The following MTARC2 variants were observed in gnomAD, a reference collection of about 807,000 sequenced individuals.
MTARC2 encodes mitochondrial amidoxime reducing component 2.
In MTARC2, 27 loss-of-function variants were observed where a neutral mutation model predicts 35.6. That is an observed-to-expected ratio of 0.76 (90% CI 0.56 to 1.04). The LOEUF is 1.04. Among genes scored for constraint, MTARC2 ranks in the 50% least tolerant of loss-of-function variants. The pLI is 0.00. For missense variants in MTARC2, 412 were observed against 432.5 expected, an observed-to-expected ratio of 0.95 and a Z score of 0.42; for synonymous variants, 158 against 167.1, an observed-to-expected ratio of 0.95 and a Z score of 0.42.
intron 4 of MTARC2, among the ~76,000 whole-genome samples, 191 bp downstream of exon 4, chr1:220,763,241 C>T (rs1049004501): frequency 2.0e-5 from 3 of 152,030 alleles, no homozygotes; most frequent in East Asian, 3.9e-4. Context: ...CCTCGGGGGG[C>T]GTTGCTCTCA....
At chr1:220,752,673 C>T (rs1036238203) in intron 1 of MTARC2, among the ~76,000 whole-genome samples, 3 of 151,882 alleles carry the variant, frequency 2.0e-5, no homozygotes, top group African/African-American at 7.3e-5. Flanking sequence ...ACAGTGGGAC[C>T]CCATCTCTAC....
chr1:220,757,511 G>A (rs1441539962), intron 2 of MTARC2, among the ~76,000 whole-genome samples: 1 of 152,198 alleles, frequency 6.6e-6, no homozygotes, highest in Non-Finnish European at 1.5e-5. Flanking sequence ...AGTCTGGGTG[G>A]CTTAAACAAC....
intron 1 of MTARC2, among the ~76,000 whole-genome samples, chr1:220,753,409 C>T (rs953217376): frequency 6.6e-6 from 1 of 152,166 alleles, no homozygotes; most frequent in Non-Finnish European, 1.5e-5. Context: ...CAGCCATTGT[C>T]TTCTGGTGTG....
At chr1:220,755,656 C>A (rs969583634) in intron 2 of MTARC2, among the ~76,000 whole-genome samples, 4 of 152,026 alleles carry the variant, frequency 2.6e-5, no homozygotes, top group Non-Finnish European at 5.9e-5. Flanking sequence ...ATGTAAGCAC[C>A]AAATAAAGGA....
At chr1:220,748,861 G>C in intron 1 of MTARC2, 58 bp downstream of exon 1, 1 of 1,484,892 alleles carries the variant, frequency 6.7e-7, no homozygotes, top group Non-Finnish European at 8.9e-7. Flanking sequence ...AGGAGCGGGG[G>C]GGCAGGTGGG....
In MTARC2 at chr1:220,784,089, G is replaced by A. The variant is rs1672151738; in HGVS notation, c.*202G>A. On this transcript the variant is annotated 3_prime_UTR_variant, in exon 8 of 8. Coordinates refer to ENST00000366913, the MANE Select transcript of MTARC2 (RefSeq NM_017898.5). ...TTAATGCAAGGAAAGTATTAGAGGG[G>A]GGAATATGAAAGTATATATATAAAT... The A allele has an allele frequency of 1.7e-6, 1 of 603,300 alleles. No homozygotes were observed. Among genetic ancestry groups the A allele is most frequent in the Non-Finnish European group, 3.0e-6 (1 of 329,496 alleles). The allele number at this position is 603,300 out of a possible 1,614,324, so 37.4% of individuals were successfully genotyped here.
chr1:220,756,159 T>A (rs1671275717), intron 2 of MTARC2: 1 of 152,274 alleles, frequency 6.6e-6, no homozygotes, highest in Non-Finnish European at 1.5e-5. Flanking sequence ...GTTGTCAAGT[T>A]CCGTGGTTTG....
rs1442810955 is a variant in MTARC2, at chr1:220,770,312, G to T, written c.750+7262G>T. On this transcript the variant is annotated intron_variant, in intron 4 of 7. Coordinates refer to ENST00000366913, the MANE Select transcript of MTARC2 (RefSeq NM_017898.5). ...TGTGAGACCTTGTTGAACTGAATTC[G>T]AGGCAAGGACTTGGCCATTGAGTTG... 3 of 846,288 alleles carry T rather than the reference G, an allele frequency of 3.5e-6. No individual in the cohort carries two copies. The African/African-American group carries it at 5.5e-5, about 16-fold the overall frequency. 52.4% of individuals were successfully genotyped at this position (846,288 alleles called of 1,614,324 possible).
chr1:220,767,930 T>A (rs1217808795), intron 4 of MTARC2, among the ~76,000 whole-genome samples: 3 of 152,320 alleles, frequency 2.0e-5, no homozygotes, highest in East Asian at 3.9e-4. Flanking sequence ...GACTTTTCAG[T>A]CCCCAGAAAC....
intron 4 of MTARC2, among the ~76,000 whole-genome samples, chr1:220,765,599 A>G (rs899164536): frequency 3.9e-5 from 6 of 152,092 alleles, no homozygotes; most frequent in Non-Finnish European, 7.4e-5. Flanking sequence ...TTGAGACAAG[A>G]TCTCACTGTG....
intron 6 of MTARC2, among the ~76,000 whole-genome samples, chr1:220,781,420 A>G (rs1275369547): frequency 6.6e-6 from 1 of 152,220 alleles, no homozygotes; most frequent in African/African-American, 2.4e-5. Context: ...ACTAAACAGA[A>G]GATTTGTAGA....
intron 4 of MTARC2, among the ~76,000 whole-genome samples, chr1:220,772,899 C>T (rs1671784416): frequency 6.6e-6 from 1 of 152,150 alleles, no homozygotes. Flanking sequence ...GATCATTTAA[C>T]TCTGGTATAA....
chr1:220,774,326 G>A (rs542046426), intron 4 of MTARC2, among the ~76,000 whole-genome samples: 66 of 152,186 alleles, frequency 4.3e-4, no homozygotes, highest in African/African-American at 1.6e-3. Flanking sequence ...TTGCACATAT[G>A]TCCCATGTAT....
At chr1:220,764,508 G>A (rs1671528502) in intron 4 of MTARC2, among the ~76,000 whole-genome samples, 1 of 152,120 alleles carries the variant, frequency 6.6e-6, no homozygotes, top group Non-Finnish European at 1.5e-5. Flanking sequence ...TAGCTGCCAG[G>A]TGCTGTAGGT....
chr1:220,779,896 G>A, intron 4 of MTARC2, 122 bp from the exon 5 acceptor site: 2 of 693,574 alleles, frequency 2.9e-6, no homozygotes, highest in Non-Finnish European at 4.5e-6. Flanking sequence ...ATATTTCTTG[G>A]TGTCACCTTG....
intron 4 of MTARC2, among the ~76,000 whole-genome samples, chr1:220,776,763 A>G (rs4609431): frequency 1.3e-5 from 2 of 152,232 alleles, no homozygotes; most frequent in African/African-American, 4.8e-5. Flanking sequence ...TGCCACCGTT[A>G]TGTGTCTTGG....
At chr1:220,780,967 G>T (rs1672054536) in intron 6 of MTARC2, among the ~76,000 whole-genome samples, 1 of 151,676 alleles carries the variant, frequency 6.6e-6, no homozygotes, top group Admixed American at 6.6e-5. Context: ...GTAATGAGTT[G>T]TCAGAGCTTT....
chr1:220,776,998 G>A (rs552010855), intron 4 of MTARC2, among the ~76,000 whole-genome samples: 3 of 152,312 alleles, frequency 2.0e-5, no homozygotes, highest in Admixed American at 6.5e-5. Context: ...CCCCATCGGA[G>A]GTCACGATCT....
intron 4 of MTARC2, chr1:220,770,387 G>A (rs1356584908): frequency 1.0e-6 from 1 of 985,296 alleles, no homozygotes; most frequent in African/African-American, 1.7e-5. Flanking sequence ...TCAGACCAAG[G>A]AGGAAGTGTG....
Sources: gnomAD v4.1 joint callset for allele counts (sites outside exome capture counted in the v4.1 genomes callset) on GRCh38, gnomAD v4.1.1 for gene constraint, MANE v1.5 for transcripts, NCBI Gene and HGNC (gene_info 2026-07-23, HGNC 2026-07-21) for gene names.